The following MOXD1 variants were observed in gnomAD, a reference collection of about 807,000 sequenced individuals.
MOXD1 encodes DBH-like monooxygenase protein 1.
A neutral mutation model predicts 66.6 loss-of-function variants in MOXD1; 62 were observed. That is an observed-to-expected ratio of 0.93 (90% confidence interval 0.76 to 1.15). MOXD1 has a LOEUF of 1.15. Among genes scored for constraint, MOXD1 ranks in the 50% most tolerant of loss-of-function variants. The pLI is 0.00. For synonymous variants in MOXD1, 303 were observed against 281.9 expected (o/e 1.07, Z -0.75); for missense variants, 847 against 754.6 (o/e 1.12, Z -1.44).
At chr6:132,337,500 A>G (rs894930316) in intron 4 of MOXD1, among the ~76,000 whole-genome samples, 2 of 152,230 alleles carry the variant, frequency 1.3e-5, no homozygotes, top group South Asian at 4.1e-4. Flanking sequence ...ACATACCTCT[A>G]CTACATACCA....
intron 9 of MOXD1, among the ~76,000 whole-genome samples, chr6:132,318,485 T>A (rs973883838): frequency 6.6e-6 from 1 of 152,200 alleles, no homozygotes; most frequent in East Asian, 1.9e-4. Context: ...GTTATTTCTT[T>A]GAAATGCTTT....
intron 10 of MOXD1, among the ~76,000 whole-genome samples, chr6:132,303,702 T>TACAGACAC (rs1392220169): frequency 1.4e-5 from 1 of 72,192 alleles, no homozygotes; most frequent in African/African-American, 1.1e-4. Context: ...GGGCTGACTG[T>TACAGACAC]ATACATACAC....
chr6:132,351,585 T>C (rs925757517), intron 4 of MOXD1, among the ~76,000 whole-genome samples: 2 of 152,186 alleles, frequency 1.3e-5, no homozygotes, highest in Non-Finnish European at 2.9e-5. Context: ...TCATTGGTTA[T>C]ATCGGTCAGT....
intron 1 of MOXD1, among the ~76,000 whole-genome samples, chr6:132,387,751 T>TG (rs751701487): frequency 0.043 from 2,998 of 69,486 alleles, 245 homozygotes; most frequent in East Asian, 0.41. Context: ...AAACTCCATC[T>TG]AAAAAAAAAA....
At chr6:132,298,996 A>G (rs1013915375) in intron 10 of MOXD1, among the ~76,000 whole-genome samples, 1 of 152,224 alleles carries the variant, frequency 6.6e-6, no homozygotes, top group African/African-American at 2.4e-5. Flanking sequence ...AGCACTATTC[A>G]CAATAGCAAA....
At chr6:132,367,689 G>C (rs1208402571) in intron 4 of MOXD1, among the ~76,000 whole-genome samples, 1 of 152,018 alleles carries the variant, frequency 6.6e-6, no homozygotes, top group Non-Finnish European at 1.5e-5. Flanking sequence ...TTTTGTAAGT[G>C]TCAGATACTG....
At chr6:132,391,999 G>T (rs992582718) in intron 1 of MOXD1, 6 of 569,060 alleles carry the variant, frequency 1.1e-5, no homozygotes, top group Non-Finnish European at 1.8e-5. Flanking sequence ...GAAATTGGGG[G>T]GCATAATCTG....
intron 10 of MOXD1, among the ~76,000 whole-genome samples, chr6:132,312,596 TC>T (rs1179769293): frequency 1.6e-5 from 2 of 122,824 alleles, no homozygotes; most frequent in Non-Finnish European, 3.4e-5. Flanking sequence ...ATGGGTTTTG[TC>T]CTTTTTTTTT....
chr6:132,322,594 C>T (rs773618549), intron 8 of MOXD1, 85 bp downstream of exon 8: 1 of 1,345,080 alleles, frequency 7.4e-7, no homozygotes. Flanking sequence ...AAATTCATTT[C>T]ACTAGTAGAA....
chr6:132,385,985 C>T (rs1301589982), intron 1 of MOXD1, among the ~76,000 whole-genome samples: 2 of 150,598 alleles, frequency 1.3e-5, no homozygotes, highest in African/African-American at 4.9e-5. Context: ...CGCCTGTAGT[C>T]CCAGCTACTC....
chr6:132,335,798 G>A (rs1775424317), intron 4 of MOXD1, among the ~76,000 whole-genome samples: 1 of 152,186 alleles, frequency 6.6e-6, no homozygotes, highest in South Asian at 2.1e-4. Context: ...TTCTACCTAG[G>A]TCATGATTGT....
intron 4 of MOXD1, among the ~76,000 whole-genome samples, chr6:132,357,002 A>T (rs1340531047): frequency 6.6e-6 from 1 of 152,052 alleles, no homozygotes; most frequent in African/African-American, 2.4e-5. Flanking sequence ...AAATGAAACA[A>T]ATACACGTTA....
rs1775758576 is a variant in MOXD1 at position 132,349,484 on chromosome 6, T to TAC, written c.664-20891_664-20890insGT. On this transcript the variant is annotated intron_variant, in intron 4 of 11. Transcript: ENST00000367963. ...ATATATACATATATATATATATACA[T>TAC]ATATATATATACCACAGTTTCTTTA... 1.7e-4 allele frequency among the ~76,000 whole-genome samples: 5 copies of TAC among 29,786 alleles called. 2 individuals are homozygous for TAC. Among genetic ancestry groups the TAC allele is most frequent in the African/African-American group, 4.4e-4 (5 of 11,320 alleles). 19.5% of individuals were successfully genotyped at this position (29,786 alleles called of 152,430 possible). A position where few individuals can be genotyped will look rare whatever the true frequency, so the allele number is the denominator to read the frequency against.
At chr6:132,356,281 GAGAGCATAAAA>G (rs1464107481) in intron 4 of MOXD1, among the ~76,000 whole-genome samples, 1 of 152,156 alleles carries the variant, frequency 6.6e-6, no homozygotes, top group Admixed American at 6.5e-5. Context: ...ACTGACAGAA[GAGAGCATAAAA>G]AGAGCATAAG....
intron 4 of MOXD1, among the ~76,000 whole-genome samples, chr6:132,358,296 G>A (rs1775947379): frequency 6.6e-6 from 1 of 152,196 alleles, no homozygotes; most frequent in African/African-American, 2.4e-5. Flanking sequence ...TAACACCTAT[G>A]TGTGTAGCAC....
intron 4 of MOXD1, among the ~76,000 whole-genome samples, chr6:132,333,202 A>G (rs1385253291): frequency 1.3e-5 from 2 of 151,796 alleles, no homozygotes; most frequent in Non-Finnish European, 2.9e-5. Flanking sequence ...CAGGCGTGGT[A>G]GCGGGCACCT....
chr6:132,312,844 A>C (rs1045791488), intron 10 of MOXD1, among the ~76,000 whole-genome samples: 2 of 152,060 alleles, frequency 1.3e-5, no homozygotes, highest in African/African-American at 4.8e-5. Context: ...CATTTAAATC[A>C]TCTTGCAAAC....
At chr6:132,384,202 CCTCT>C (rs1292862319) in intron 1 of MOXD1, among the ~76,000 whole-genome samples, 21 of 151,220 alleles carry the variant, frequency 1.4e-4, no homozygotes, top group African/African-American at 4.9e-4. Flanking sequence ...TTCCTCCCTC[CCTCT>C]CTTCCTTCCT....
At position 132,386,511 on chromosome 6, in the gene MOXD1, A is replaced by G. The variant is rs748662048; in HGVS notation, c.265-11734T>C. 1.1e-4 allele frequency among the ~76,000 whole-genome samples: 17 copies of G among 151,424 alleles called. 1 individual carries two copies. The highest frequency in any genetic ancestry group is 2.1e-4 in the Non-Finnish European group (14 of 67,748). ...CATTGTGATGATAATGATTCAATGC[A>G]TATCTATCCAGAGACCAGGCAAACT... is the stretch of plus-strand genomic sequence containing the variant. On this transcript the variant is annotated intron_variant, in intron 1 of 11. Coordinates refer to ENST00000367963, the MANE Select transcript of MOXD1 (RefSeq NM_015529.4).
Sources: allele counts gnomAD v4.1 joint callset (sites outside exome capture counted in the v4.1 genomes callset), GRCh38; gene constraint gnomAD v4.1.1; transcripts MANE v1.5; gene names NCBI Gene and HGNC (gene_info 2026-07-23, HGNC 2026-07-21).